The following CELSR1 variants were observed in gnomAD, a reference collection of about 807,000 sequenced individuals.
CELSR1 encodes the protein cadherin EGF LAG seven-pass G-type receptor 1, also known as adhesion G protein-coupled receptor C1.
Under a neutral mutation model 249.1 loss-of-function variants are expected in CELSR1, and 110 were observed. The ratio of observed to expected loss-of-function variants is 0.44; its 90% CI spans 0.38 to 0.52. The LOEUF (loss-of-function observed/expected upper bound fraction) is 0.52, where lower values mean the gene tolerates loss of function less well. CELSR1 is among the 20% of genes least tolerant of loss of function. The pLI is 0.00. For synonymous variants in CELSR1, 2,113 were observed against 1,900.0 expected (o/e 1.11, Z -2.92); for missense variants, 4,109 against 4,296.4 (o/e 0.96, Z 1.22).
At position 46,410,096 on chromosome 22, in the gene CELSR1, C is replaced by A. The variant is rs532555237; in HGVS notation, c.4934-216G>T. 6.6e-6 allele frequency among the ~76,000 whole-genome samples: 1 copy of A among 152,216 alleles called. No homozygotes were observed. The highest frequency in any genetic ancestry group is 2.4e-5 in the African/African-American group (1 of 41,464). ...GAGACGCTGGGACGCCAGGCCATCA[C>A]GGCAGCCGGCCCGGTCACCTGGTGA... is the stretch of plus-strand genomic sequence containing the variant. On this transcript the variant is annotated intron_variant, in intron 7 of 34. Transcript: ENST00000674500. The surrounding 1 kb of genome is among the most constrained non-coding windows in gnomAD (Gnocchi z 6.8).
rs774628084 is a variant in CELSR1 at position 46,364,013 on chromosome 22, G to A, written c.9018C>T (p.Ala3006=). The change falls in exon 34 of 35, where the codon GCC becomes GCT. Residue 3006 remains alanine (A), a synonymous_variant. Coordinates refer to ENST00000674500, the MANE Select transcript of CELSR1 (RefSeq NM_001378328.1). ...CTACTCACTCAGAGTCGGAGCCATC[G>A]GCCTGGGCGCTCCCAGTGCGCACAT... ...AMNVRTGSAQ[A]DGSDSEGSNE... 19 of 1,607,848 alleles carry A rather than the reference G, an allele frequency of 1.2e-5. No homozygotes were observed. Among genetic ancestry groups the A allele is most frequent in the Admixed American group, 5.1e-5 (3 of 59,312 alleles).
chr22:46,528,100 C>CA (rs552037712), intron 1 of CELSR1, among the ~76,000 whole-genome samples: 1,807 of 81,532 alleles, frequency 0.022, 75 homozygotes, highest in African/African-American at 0.053. Flanking sequence ...AAGACTGTCT[C>CA]AAAAAAAAAA....
Position 46,433,697 on chromosome 22 carries a change from T to A in CELSR1, c.4523-216A>T, listed in dbSNP as rs368590134. 1.3e-5 allele frequency among the ~76,000 whole-genome samples: 2 copies of A among 152,202 alleles called. No homozygotes were observed. The highest frequency in any genetic ancestry group is 4.1e-4 in the South Asian group (2 of 4,834). Reference sequence around the variant, plus strand: ...CTTGTTCCTCTTTTCTGGTTTTGTTTGTTTTGAGATGGAGTCTTGCTCTGT... The same window carrying A: ...CTTGTTCCTCTTTTCTGGTTTTGTTAGTTTTGAGATGGAGTCTTGCTCTGT... On this transcript the variant is annotated intron_variant, in intron 4 of 34. Transcript: ENST00000674500. The surrounding 1 kb of genome is among the most constrained non-coding windows in gnomAD (Gnocchi z 5.7).
rs1022577746 is a variant in CELSR1, at chr22:46,441,319, G to C, written c.4184-1908C>G. Among the ~76,000 whole-genome samples, 27 of 152,194 alleles carry C rather than the reference G, an allele frequency of 1.8e-4. No individual in the cohort carries two copies. Among genetic ancestry groups the C allele is most frequent in the African/African-American group, 6.0e-4 (25 of 41,530 alleles). ...GGGATGGCTCCACGATGGGCCCTTT[G>C]GACAGGCACCTGCAATGTCCCCCCG... On this transcript the variant is annotated intron_variant, in intron 2 of 34. Coordinates refer to ENST00000674500, the MANE Select transcript of CELSR1 (RefSeq NM_001378328.1). This position sits in a 1 kb window ranked among gnomAD's most constrained non-coding sequence, Gnocchi z 6.1.
intron 1 of CELSR1, among the ~76,000 whole-genome samples, chr22:46,533,330 G>T (rs1041508619): frequency 5.9e-5 from 9 of 152,220 alleles, no homozygotes. Flanking sequence ...TTTAATAGCT[G>T]TACTCAGGAG....
chr22:46,404,079 C>A (rs115499445), intron 9 of CELSR1, among the ~76,000 whole-genome samples: 1,869 of 151,728 alleles, frequency 0.012, 42 homozygotes, highest in Middle Eastern at 0.044. Context: ...CTTTGACCTG[C>A]AATTATGCTA....
intron 1 of CELSR1, among the ~76,000 whole-genome samples, chr22:46,523,793 T>C (rs1297048441): frequency 6.6e-6 from 1 of 152,078 alleles, no homozygotes; most frequent in Non-Finnish European, 1.5e-5. Flanking sequence ...GTGACATGCC[T>C]GCCTCCCTGC....
chr22:46,427,260 G>A lies in CELSR1; in HGVS notation c.4611+6133C>T, dbSNP rs965569182. Among the ~76,000 whole-genome samples the A allele has an allele frequency of 3.9e-5, 6 of 152,204 alleles. No homozygotes were observed. The highest frequency in any genetic ancestry group is 3.9e-4 in the Admixed American group (6 of 15,278). On this transcript the variant is annotated intron_variant, in intron 5 of 34. Transcript: ENST00000674500. This position sits in a 1 kb window ranked among gnomAD's most constrained non-coding sequence, Gnocchi z 4.2. ...CACTAAAAGAACCAGGCTCGGCCAG[G>A]TGCAGTGGCTTATGCCTGTAATCCT...
At chr22:46,483,189 C>T (rs1343596632) in intron 1 of CELSR1, among the ~76,000 whole-genome samples, 3 of 152,082 alleles carry the variant, frequency 2.0e-5, no homozygotes, top group Non-Finnish European at 4.4e-5. Flanking sequence ...TGACACACAA[C>T]ACACTATCGT....
intron 5 of CELSR1, among the ~76,000 whole-genome samples, chr22:46,431,310 T>C (rs978636392): frequency 1.3e-5 from 2 of 152,188 alleles, no homozygotes; most frequent in Non-Finnish European, 2.9e-5. Context: ...CACAGTGGCG[T>C]CCTGGCTGCG....
intron 2 of CELSR1, among the ~76,000 whole-genome samples, chr22:46,442,143 C>T (rs1033805606): frequency 2.6e-5 from 4 of 152,150 alleles, no homozygotes; most frequent in Admixed American, 1.3e-4. Context: ...AGCAAAACTC[C>T]GTCTCAAACA....
rs1483630525 is a variant in CELSR1 at position 46,436,445 on chromosome 22, G to C, written c.4407-156C>G. 6.6e-6 allele frequency among the ~76,000 whole-genome samples: 1 copy of C among 152,186 alleles called. No homozygotes were observed. On this transcript the variant is annotated intron_variant, in intron 3 of 34. Coordinates refer to ENST00000674500, the MANE Select transcript of CELSR1 (RefSeq NM_001378328.1). The surrounding 1 kb of genome is among the most constrained non-coding windows in gnomAD (Gnocchi z 5.9). ...TGCGTCCTTCTCATAGGAGCAGACA[G>C]CCCATCAAGCTTGATAAGCAGGGTT...
chr22:46,512,755 G>C lies in CELSR1; in HGVS notation c.3544+20872C>G, dbSNP rs1007860469. On this transcript the variant is annotated intron_variant, in intron 1 of 34. Transcript: ENST00000674500. This position sits in a 1 kb window ranked among gnomAD's most constrained non-coding sequence, Gnocchi z 5.2. Reference sequence around the variant, plus strand: ...CAGCTCCTGCTTATAGAGGGTAGCGGGTTTCCGTTCCCTGCCATCCAGAGG... The same window carrying C: ...CAGCTCCTGCTTATAGAGGGTAGCGCGTTTCCGTTCCCTGCCATCCAGAGG... Among the ~76,000 whole-genome samples, 1 of 152,192 alleles carries C rather than the reference G, an allele frequency of 6.6e-6. No homozygotes were observed. The highest frequency in any genetic ancestry group is 2.4e-5 in the African/African-American group (1 of 41,440).
chr22:46,366,385 C>A lies in CELSR1; in HGVS notation c.8300+1G>T. On this transcript the variant is annotated splice_donor_variant, in intron 30 of 34. Transcript: ENST00000674500. LOFTEE classifies it high-confidence loss of function. The stretch of plus-strand genomic sequence containing the variant: ...CCCCGAACCCGGAGCTGCGGCCTGA[C>A]CTGACGATGCTGTCCAGCGAGGCGG... 3 of 1,547,166 alleles carry A rather than the reference C, an allele frequency of 1.9e-6. No individual in the cohort carries two copies.
intron 1 of CELSR1, among the ~76,000 whole-genome samples, chr22:46,478,854 A>C (rs1452698177): frequency 1.3e-5 from 2 of 151,736 alleles, no homozygotes; most frequent in African/African-American, 4.8e-5. Context: ...GCCCAGCCGA[A>C]GATGAGACGT....
intron 1 of CELSR1, among the ~76,000 whole-genome samples, chr22:46,524,675 G>A (rs1250995590): frequency 6.6e-6 from 1 of 152,014 alleles, no homozygotes; most frequent in East Asian, 1.9e-4. Context: ...GCTGCTGTGG[G>A]GCTTTTCCCA....
intron 2 of CELSR1, among the ~76,000 whole-genome samples, chr22:46,451,674 A>G (rs1296236487): frequency 6.6e-6 from 1 of 152,022 alleles, no homozygotes; most frequent in Non-Finnish European, 1.5e-5. Context: ...TCTCCACAAC[A>G]CCGACGATGG....
chr22:46,408,706 G>A lies in CELSR1; in HGVS notation c.5226+290C>T, dbSNP rs2079294819. 6.6e-6 allele frequency among the ~76,000 whole-genome samples: 1 copy of A among 152,188 alleles called. No homozygotes were observed. Among genetic ancestry groups the A allele is most frequent in the South Asian group, 2.1e-4 (1 of 4,830 alleles). ...AAGGCTCGGCACCTCCCTCAGTTCT[G>A]CAATGCCCACGCTCCAGCCAAACCC... On this transcript the variant is annotated intron_variant, in intron 9 of 34. Transcript: ENST00000674500. This position sits in a 1 kb window ranked among gnomAD's most constrained non-coding sequence, Gnocchi z 4.6.
intron 18 of CELSR1, 125 bp downstream of exon 18, chr22:46,389,165 G>A (rs2079061635): frequency 2.8e-6 from 3 of 1,060,890 alleles, no homozygotes; most frequent in African/African-American, 1.6e-5. Flanking sequence ...GAGAAATGAG[G>A]ATGGGGATCC....
Sources: gnomAD v4.1 joint callset for allele counts (sites outside exome capture counted in the v4.1 genomes callset) on GRCh38, gnomAD v4.1.1 for gene constraint, Gnocchi (gnomAD v3.1) non-coding constraint, MANE v1.5 for transcripts, NCBI Gene and HGNC (gene_info 2026-07-23, HGNC 2026-07-21) for gene names.